SIAH3: variants seen among roughly 807,000 people sequenced by gnomAD.
SIAH3 encodes the protein siah E3 ubiquitin protein ligase family member 3.
Under a neutral mutation model 12.6 loss-of-function variants are expected in SIAH3, and 9 were observed. The observed-to-expected ratio is 0.72, with a 90% confidence interval of 0.43 to 1.25. SIAH3 has a LOEUF of 1.25. SIAH3 is among the 50% of genes most tolerant of loss of function. SIAH3 has a pLI of 0.00. For synonymous variants in SIAH3, 154 were observed against 151.1 expected (o/e 1.02, Z -0.14); for missense variants, 390 against 365.4 (o/e 1.07, Z -0.55).
At chr13:45,841,437 C>A (rs79032770) in intron 1 of SIAH3, among the ~76,000 whole-genome samples, 1,846 of 152,288 alleles carry the variant, frequency 0.012, 36 homozygotes, top group African/African-American at 0.041. Context: ...CAGGGCCTAC[C>A]GTTTCCTTTC....
intron 1 of SIAH3, among the ~76,000 whole-genome samples, chr13:45,845,291 A>G (rs1950755389): frequency 6.6e-6 from 1 of 151,360 alleles, no homozygotes; most frequent in Non-Finnish European, 1.5e-5. Flanking sequence ...AAACTTCCTC[A>G]GTAAATAAAG....
In SIAH3 at chr13:45,837,068, C is replaced by T. The variant is rs189400729; in HGVS notation, c.135+14427G>A. On this transcript the variant is annotated intron_variant, in intron 1 of 1. Coordinates refer to ENST00000400405, the MANE Select transcript of SIAH3 (RefSeq NM_198849.3). ...GCTTCACATCTGTCTGGATTTGTGT[C>T]CCCTAGGGACACCATAACAGTGGCC... Among the ~76,000 whole-genome samples the T allele has an allele frequency of 3.9e-5, 6 of 152,296 alleles. 1 individual carries two copies. Among genetic ancestry groups the T allele is most frequent in the South Asian group, 4.1e-4 (2 of 4,828 alleles).
At chr13:45,819,431 C>T (rs9534229) in intron 1 of SIAH3, among the ~76,000 whole-genome samples, 74,093 of 151,740 alleles carry the variant, frequency 0.49, 19,045 homozygotes, top group East Asian at 0.94. Flanking sequence ...GCTGGGTGGA[C>T]GGGACAGGAA....
chr13:45,845,932 C>A (rs1162004870), intron 1 of SIAH3, among the ~76,000 whole-genome samples: 2 of 151,780 alleles, frequency 1.3e-5, no homozygotes, highest in Non-Finnish European at 2.9e-5. Flanking sequence ...ATGCTGCTGG[C>A]CCCAGGAGGA....
At chr13:45,810,770 A>T (rs1424219023) in intron 1 of SIAH3, among the ~76,000 whole-genome samples, 1 of 152,180 alleles carries the variant, frequency 6.6e-6, no homozygotes, top group Non-Finnish European at 1.5e-5. Context: ...GGCTCTAGAG[A>T]TAGGAAGAGG....
intron 1 of SIAH3, among the ~76,000 whole-genome samples, chr13:45,810,676 T>C (rs566710671): frequency 6.6e-6 from 1 of 152,294 alleles, no homozygotes; most frequent in East Asian, 1.9e-4. Context: ...GAGTCTAGAA[T>C]TCATACTCCC....
At chr13:45,823,695 T>C (rs572631199) in intron 1 of SIAH3, among the ~76,000 whole-genome samples, 6 of 152,338 alleles carry the variant, frequency 3.9e-5, no homozygotes, top group African/African-American at 1.4e-4. Flanking sequence ...CACTCAGCAC[T>C]ATCCTACCCT....
At chr13:45,825,673 T>C (rs1036239418) in intron 1 of SIAH3, among the ~76,000 whole-genome samples, 1 of 152,238 alleles carries the variant, frequency 6.6e-6, no homozygotes, top group South Asian at 2.1e-4. Flanking sequence ...AAGAAGTTAC[T>C]TGGGACAGTA....
intron 1 of SIAH3, among the ~76,000 whole-genome samples, chr13:45,849,697 T>C (rs1950772806): frequency 6.6e-6 from 1 of 152,174 alleles, no homozygotes; most frequent in Non-Finnish European, 1.5e-5. Flanking sequence ...GCAGACATCA[T>C]TGAGAAATAT....
chr13:45,812,021 G>A (rs146051596), intron 1 of SIAH3, among the ~76,000 whole-genome samples: 14 of 152,272 alleles, frequency 9.2e-5, no homozygotes, highest in Non-Finnish European at 1.5e-4. Flanking sequence ...CACTCTCCCC[G>A]ATGCACAACT....
intron 1 of SIAH3, among the ~76,000 whole-genome samples, chr13:45,787,133 T>A (rs142637986): frequency 6.6e-6 from 1 of 152,020 alleles, no homozygotes; most frequent in Non-Finnish European, 1.5e-5. Context: ...TCAGCAAAGA[T>A]GGCTCCCTTT....
chr13:45,816,336 T>G (rs966391142), intron 1 of SIAH3, among the ~76,000 whole-genome samples: 2 of 152,186 alleles, frequency 1.3e-5, no homozygotes, highest in Non-Finnish European at 2.9e-5. Flanking sequence ...CATCCTAGGA[T>G]CCTGATGACT....
At chr13:45,785,061 G>A (rs1022237339) in intron 1 of SIAH3, among the ~76,000 whole-genome samples, 21 of 152,204 alleles carry the variant, frequency 1.4e-4, no homozygotes, top group Admixed American at 2.6e-4. Flanking sequence ...CAGTAATAAC[G>A]TGATGGAGCC....
chr13:45,812,994 T>C (rs1950621269), intron 1 of SIAH3, among the ~76,000 whole-genome samples: 1 of 152,242 alleles, frequency 6.6e-6, no homozygotes, highest in Non-Finnish European at 1.5e-5. Context: ...CCAGGCCTTC[T>C]GGGCTCCCAT....
intron 1 of SIAH3, among the ~76,000 whole-genome samples, chr13:45,834,697 T>C (rs374477803): frequency 6.6e-6 from 1 of 152,078 alleles, no homozygotes; most frequent in African/African-American, 2.4e-5. Context: ...ACCGACCTAC[T>C]GTGGGCCAGA....
At chr13:45,813,955 T>C (rs565584660) in intron 1 of SIAH3, among the ~76,000 whole-genome samples, 1 of 152,136 alleles carries the variant, frequency 6.6e-6, no homozygotes, top group South Asian at 2.1e-4. Context: ...ATACAGTCCA[T>C]AGGCCGGGCA....
chr13:45,820,854 T>C (rs1950653259), intron 1 of SIAH3, among the ~76,000 whole-genome samples: 1 of 152,226 alleles, frequency 6.6e-6, no homozygotes, highest in Non-Finnish European at 1.5e-5. Context: ...CTTTCCAGTT[T>C]CTAGGAGGCT....
chr13:45,829,510 A>T (rs952673789), intron 1 of SIAH3, among the ~76,000 whole-genome samples: 2 of 152,064 alleles, frequency 1.3e-5, no homozygotes, highest in African/African-American at 4.8e-5. Flanking sequence ...TTGGGAGGCT[A>T]AAGTTGGAGG....
intron 1 of SIAH3, among the ~76,000 whole-genome samples, chr13:45,848,028 T>C (rs769467130): frequency 6.6e-6 from 1 of 151,624 alleles, no homozygotes; most frequent in Non-Finnish European, 1.5e-5. Context: ...CCAATGGGAG[T>C]GGAGCCAGGA....
Sources: allele counts gnomAD v4.1 joint callset (sites outside exome capture counted in the v4.1 genomes callset), GRCh38; gene constraint gnomAD v4.1.1; transcripts MANE v1.5; gene names NCBI Gene and HGNC (gene_info 2026-07-23, HGNC 2026-07-21).